RMC1: variants seen among roughly 807,000 people sequenced by gnomAD.
RMC1 encodes regulator of MON1-CCZ1.
Under a neutral mutation model 95.5 loss-of-function variants are expected in RMC1, and 44 were observed. The observed-to-expected ratio is 0.46, with a 90% confidence interval of 0.36 to 0.59. The LOEUF is 0.59. RMC1 is among the 20% of genes least tolerant of loss of function. The pLI is 0.00. For synonymous variants in RMC1, 320 were observed against 303.6 expected, an observed-to-expected ratio of 1.05 and a Z score of -0.56; for missense variants, 705 against 819.6, an observed-to-expected ratio of 0.86 and a Z score of 1.71.
At chr18:23,511,141 C>T (rs866322444) in intron 5 of RMC1, among the ~76,000 whole-genome samples, 25 of 152,212 alleles carry the variant, frequency 1.6e-4, no homozygotes, top group African/African-American at 5.8e-4. Context: ...GAATACTATG[C>T]AGCCATAAAA....
chr18:23,503,480 G>A, upstream of RMC1: 1 of 415,402 alleles, frequency 2.4e-6, no homozygotes, highest in Non-Finnish European at 4.0e-6. Flanking sequence ...GTGGGGGCGT[G>A]GCACCAGGAA....
chr18:23,531,453 T>C (rs1010716485), intron 19 of RMC1, 172 bp from the exon 20 acceptor site: 198 of 1,326,590 alleles, frequency 1.5e-4, no homozygotes, highest in Non-Finnish European at 1.9e-4. Flanking sequence ...CTCTTCCATT[T>C]AGCTTTTGTA....
At chr18:23,518,461 T>C (rs552356776) in intron 7 of RMC1, among the ~76,000 whole-genome samples, 1 of 152,278 alleles carries the variant, frequency 6.6e-6, no homozygotes, top group East Asian at 1.9e-4. Context: ...ACCACTGCAT[T>C]CCAGCCTGGG....
At chr18:23,514,685 G>A (rs1203931971) in intron 5 of RMC1, among the ~76,000 whole-genome samples, 1 of 152,204 alleles carries the variant, frequency 6.6e-6, no homozygotes, top group African/African-American at 2.4e-5. Flanking sequence ...TTCTGGGGGA[G>A]TTCCCTATGG....
chr18:23,526,480 G>T (rs187370886), intron 12 of RMC1, among the ~76,000 whole-genome samples, 157 bp from the exon 13 acceptor site: 36 of 152,266 alleles, frequency 2.4e-4, no homozygotes, highest in African/African-American at 8.2e-4. Flanking sequence ...GAATGGCTCA[G>T]CTCTGCTTTG....
chr18:23,515,947 T>G lies in RMC1; in HGVS notation c.500T>G (p.Leu167Trp). The G allele has an allele frequency of 6.2e-7, 1 of 1,614,212 alleles. No homozygotes were observed. The highest frequency in any genetic ancestry group is 8.5e-7 in the Non-Finnish European group (1 of 1,180,036). The change falls in exon 6 of 20, where the codon TTG (leucine) becomes TGG (tryptophan). Residue 167 changes from leucine to tryptophan, a missense_variant. Leu to Trp is a moderately conservative substitution (Grantham distance 61, BLOSUM62 -2). Transcript: ENST00000269221. ...TACTGCCCCGAGAGCGCCGTGATCT[T>G]GCTGTCTACCACGGTCCTGGAGAAT... The part of the protein sequence containing the change: ...YMYCPESAVI[L>W]LSTTVLENVL...
At chr18:23,516,257 G>C (rs1212154399) in intron 6 of RMC1, 63 bp from the exon 7 acceptor site, 1 of 1,552,296 alleles carries the variant, frequency 6.4e-7, no homozygotes, top group Non-Finnish European at 8.9e-7. Flanking sequence ...GTTTTACACA[G>C]GGAATGATGA....
intron 7 of RMC1, 54 bp from the exon 8 acceptor site, chr18:23,518,836 C>A: frequency 6.6e-7 from 1 of 1,525,230 alleles, no homozygotes; most frequent in Non-Finnish European, 9.1e-7. Context: ...CCATTTAGAA[C>A]AAAGGAATTT....
chr18:23,529,297 A>T lies in RMC1; in HGVS notation c.1415A>T (p.Lys472Met). 6.2e-7 allele frequency: 1 copy of T among 1,608,644 alleles called. No individual in the cohort carries two copies. The highest frequency in any genetic ancestry group is 8.5e-7 in the Non-Finnish European group (1 of 1,178,770). ...THVLSAFVEK[K>M]EMPHKFVIAV... ...GTCCTGTCAGCCTTTGTGGAAAAGA[A>T]GGTGGGCTGCAGCTTTCCGCCTCTT... The change falls in exon 15 of 20, where the codon AAG becomes ATG. Residue 472 changes from lysine (K) to methionine (M), a missense_variant and splice_region_variant. Physicochemically the swap from Lys to Met is moderately conservative, Grantham distance 95. Coordinates refer to ENST00000269221, the MANE Select transcript of RMC1 (RefSeq NM_013326.5).
intron 10 of RMC1, 50 bp from the exon 11 acceptor site, chr18:23,524,080 T>C: frequency 6.3e-7 from 1 of 1,590,756 alleles, no homozygotes; most frequent in Non-Finnish European, 8.6e-7. Flanking sequence ...TACCAGCATT[T>C]GCAGCATTTT....
chr18:23,509,000 G>T (rs1343157975), intron 4 of RMC1, among the ~76,000 whole-genome samples, 193 bp from the exon 5 acceptor site: 8 of 152,242 alleles, frequency 5.3e-5, no homozygotes, highest in Middle Eastern at 6.8e-3. Flanking sequence ...TAGGATTCAG[G>T]TTCTTGAATG....
Position 23,529,704 on chromosome 18 carries a change from G to A in RMC1, c.1486G>A (p.Ala496Thr). ...YIRSLNQFQI[A>T]VQHYLHELVI... Reference sequence around the variant, plus strand: ...TCGTTCTCTTAACCAGTTTCAGATTGCAGTACAGGTACCTTCAAATCATCT... The same window carrying A: ...TCGTTCTCTTAACCAGTTTCAGATTACAGTACAGGTACCTTCAAATCATCT... Residue 496 changes from alanine (A) to threonine (T), a missense_variant, in exon 16 of 20, where the codon GCA (alanine) becomes ACA (threonine). Transcript: ENST00000269221. 1 of 1,613,416 alleles carries A rather than the reference G, an allele frequency of 6.2e-7. No homozygotes were observed. The highest frequency in any genetic ancestry group is 8.5e-7 in the Non-Finnish European group (1 of 1,179,464).
chr18:23,531,469 C>A (rs2058504313), intron 19 of RMC1, 156 bp from the exon 20 acceptor site: 1 of 1,395,728 alleles, frequency 7.2e-7, no homozygotes. Flanking sequence ...TTGTATTTGT[C>A]TCTCAAAGCA....
At chr18:23,530,336 ACT>A in intron 18 of RMC1, 39 bp downstream of exon 18, 4 of 1,613,996 alleles carry the variant, frequency 2.5e-6, no homozygotes, top group South Asian at 1.1e-5. Flanking sequence ...ATGGAAACTA[ACT>A]CTGTTCCTGT....
chr18:23,509,566 A>AT (rs1220934050), intron 5 of RMC1: 1 of 160,918 alleles, frequency 6.2e-6, no homozygotes, highest in Admixed American at 6.5e-5. Flanking sequence ...ATTTTATTTT[A>AT]TTTTATTTTT....
At chr18:23,527,223 CAAAAAAAAAAA>C (rs386387173) in intron 13 of RMC1, among the ~76,000 whole-genome samples, 1 of 43,670 alleles carries the variant, frequency 2.3e-5, no homozygotes, top group Non-Finnish European at 5.2e-5. Flanking sequence ...CCTGTCTCTA[CAAAAAAAAAAA>C]AAAAAAAAAA....
Position 23,530,577 on chromosome 18 carries a change from AC to A in RMC1, c.1861del (p.Gln621SerfsTer31). ...YTIFRFFEQRNQRLRGSPNFT... is the reference protein window; with the variant it reads ...YTIFRFFEQRXQRLRGSPNFT... ...ATATTCCGCTTTTTTGAACAGCGAA[AC>A]CAGCGTTTGCGAGGGAGCCCCAATT... On this transcript the variant is annotated frameshift_variant, in exon 19 of 20. Coordinates refer to ENST00000269221, the MANE Select transcript of RMC1 (RefSeq NM_013326.5). LOFTEE classifies it high-confidence loss of function. 1 of 1,614,100 alleles carries A rather than the reference AC, an allele frequency of 6.2e-7. No homozygotes were observed. Among genetic ancestry groups the A allele is most frequent in the Non-Finnish European group, 8.5e-7 (1 of 1,179,932 alleles).
At chr18:23,507,306 C>T (rs1206507614) in intron 3 of RMC1, among the ~76,000 whole-genome samples, 1 of 152,128 alleles carries the variant, frequency 6.6e-6, no homozygotes, top group Non-Finnish European at 1.5e-5. Flanking sequence ...GTTGCCCAGG[C>T]TGGAGTGCAG....
chr18:23,519,132 C>A lies in RMC1; in HGVS notation c.807C>A (p.Asn269Lys). ...KLNRTGKFAL[N>K]VVDNLVVVHH... Reference sequence around the variant, plus strand: ...ATAGGACGGGAAAGTTTGCCCTGAACGTGGTGGACAACCTGGTAGTCGTGC... The same window carrying A: ...ATAGGACGGGAAAGTTTGCCCTGAAAGTGGTGGACAACCTGGTAGTCGTGC... The change falls in exon 9 of 20, where the codon AAC becomes AAA. Residue 269 changes from asparagine to lysine, a missense_variant. Physicochemically the swap from Asn to Lys is moderately conservative, Grantham distance 94. Transcript: ENST00000269221. 1.2e-6 allele frequency: 2 copies of A among 1,614,136 alleles called. No homozygotes were observed. Among genetic ancestry groups the A allele is most frequent in the Non-Finnish European group, 1.7e-6 (2 of 1,180,020 alleles).
Sources: gnomAD v4.1 joint callset for allele counts (sites outside exome capture counted in the v4.1 genomes callset) on GRCh38, gnomAD v4.1.1 for gene constraint, MANE v1.5 for transcripts, NCBI Gene and HGNC (gene_info 2026-07-23, HGNC 2026-07-21) for gene names.